SEMA6A: variants seen among roughly 807,000 people sequenced by gnomAD.
SEMA6A encodes semaphorin 6A, also known as semaphorin-6A.
Under a neutral mutation model 96.8 loss-of-function variants are expected in SEMA6A, and 25 were observed. That is an observed-to-expected ratio of 0.26 (90% CI 0.19 to 0.36). SEMA6A has a LOEUF of 0.36. Among genes scored for constraint, SEMA6A ranks in the 10% least tolerant of loss-of-function variants. The pLI is 1.00. For synonymous variants in SEMA6A, 612 were observed against 518.0 expected (o/e 1.18, Z -2.46); for missense variants, 1,363 against 1,323.1 (o/e 1.03, Z -0.47).
chr5:116,459,532 T>G (rs2112619345), intron 18 of SEMA6A, among the ~76,000 whole-genome samples: 1 of 152,260 alleles, frequency 6.6e-6, no homozygotes, highest in South Asian at 2.1e-4. Flanking sequence ...TCCATACACT[T>G]AGTCACCACA....
intron 17 of SEMA6A, chr5:116,471,063 TG>T (rs929059391): frequency 6.6e-6 from 1 of 152,198 alleles, no homozygotes; most frequent in Non-Finnish European, 1.5e-5. Context: ...CCAATATTTT[TG>T]TAAGTACTGT....
At chr5:116,537,790 A>G (rs944840777) in intron 1 of SEMA6A, among the ~76,000 whole-genome samples, 2 of 152,098 alleles carry the variant, frequency 1.3e-5, no homozygotes, top group Admixed American at 6.5e-5. Flanking sequence ...GAATAACCAT[A>G]TAAGTATGCA....
At chr5:116,500,742 C>T (rs1294064347) in intron 3 of SEMA6A, among the ~76,000 whole-genome samples, 2 of 152,184 alleles carry the variant, frequency 1.3e-5, no homozygotes, top group African/African-American at 2.4e-5. Flanking sequence ...TGGTGGCTCA[C>T]ACCTGTAATT....
At chr5:116,554,080 T>C (rs254080) in intron 1 of SEMA6A, among the ~76,000 whole-genome samples, 106,707 of 152,008 alleles carry the variant, frequency 0.7, 39,181 homozygotes, top group East Asian at 0.87. Flanking sequence ...AAGGGCTTTC[T>C]ACTGTAATAA....
intron 1 of SEMA6A, among the ~76,000 whole-genome samples, chr5:116,522,869 A>G (rs767560274): frequency 1.3e-5 from 2 of 152,142 alleles, no homozygotes; most frequent in Non-Finnish European, 2.9e-5. Context: ...TCCCCAAAGG[A>G]CACCTGACAT....
At chr5:116,473,905 G>C (rs1053006057) in intron 16 of SEMA6A, among the ~76,000 whole-genome samples, 6 of 152,204 alleles carry the variant, frequency 3.9e-5, no homozygotes, top group Non-Finnish European at 7.3e-5. Context: ...GCCTCCGCAA[G>C]AGTGGGGTTA....
At chr5:116,470,825 A>C (rs1756084266) in intron 17 of SEMA6A, among the ~76,000 whole-genome samples, 1 of 152,184 alleles carries the variant, frequency 6.6e-6, no homozygotes, top group African/African-American at 2.4e-5. Context: ...ACAGCTAGAA[A>C]CAGTGTGCAT....
rs766021853 is a variant in SEMA6A at position 116,480,324 on chromosome 5, T to G, written c.1095-47A>C. On this transcript the variant is annotated intron_variant, in intron 11 of 18. Transcript: ENST00000343348. ...GGAAGGAGGGAGCTTATTTTCTGCCTTATGGCAAATTCTTTGAATGAACTG... is the reference window on the plus strand; with the variant it reads ...GGAAGGAGGGAGCTTATTTTCTGCCGTATGGCAAATTCTTTGAATGAACTG... 6.2e-6 allele frequency: 10 copies of G among 1,604,586 alleles called. No homozygotes were observed. The African/African-American group carries it at 1.2e-4, about 19-fold the overall frequency.
At chr5:116,505,886 A>G (rs1218297960) in intron 1 of SEMA6A, among the ~76,000 whole-genome samples, 1 of 152,180 alleles carries the variant, frequency 6.6e-6, no homozygotes, top group Non-Finnish European at 1.5e-5. Flanking sequence ...GTGAAAAAAA[A>G]AAAAAGACTC....
At position 116,486,734 on chromosome 5, in the gene SEMA6A, C is replaced by A; in HGVS notation, c.962+15G>T. 6.2e-7 allele frequency: 1 copy of A among 1,606,750 alleles called. No individual in the cohort carries two copies. The highest frequency in any genetic ancestry group is 1.1e-5 in the South Asian group (1 of 90,908). ...GGAAGAATTGATGAGGTCAACACAGCTAGGGCATGATTACCTGTTATAAGG... is the reference window on the plus strand; with the variant it reads ...GGAAGAATTGATGAGGTCAACACAGATAGGGCATGATTACCTGTTATAAGG... On this transcript the variant is annotated intron_variant, in intron 10 of 18. Coordinates refer to ENST00000343348, the MANE Select transcript of SEMA6A (RefSeq NM_020796.5).
chr5:116,563,972 G>T (rs1289391243), intron 1 of SEMA6A, among the ~76,000 whole-genome samples: 1 of 146,528 alleles, frequency 6.8e-6, no homozygotes, highest in African/African-American at 2.4e-5. Flanking sequence ...CAGACCACAT[G>T]ATCAAAAACT....
At chr5:116,535,685 G>A (rs1251992991) in intron 1 of SEMA6A, among the ~76,000 whole-genome samples, 1 of 152,158 alleles carries the variant, frequency 6.6e-6, no homozygotes, top group Non-Finnish European at 1.5e-5. Context: ...GAAAGAGGCA[G>A]CACTTTCAAC....
Position 116,447,003 on chromosome 5 carries a change from G to C in SEMA6A, c.2703C>G (p.Ser901Arg). The C allele has an allele frequency of 6.2e-7, 1 of 1,613,954 alleles. No individual in the cohort carries two copies. Among genetic ancestry groups the C allele is most frequent in the Non-Finnish European group, 8.5e-7 (1 of 1,179,890 alleles). The change falls in exon 19 of 19, where the codon AGC (serine) becomes AGG (arginine). Residue 901 changes from serine (S) to arginine (R), a missense_variant. This residue lies in a region of SEMA6A where 883 missense variants were observed against 763.6 expected (regional missense o/e 1.16). Coordinates refer to ENST00000343348, the MANE Select transcript of SEMA6A (RefSeq NM_020796.5). ...AGGAGTGGTGCATTTCCAGCCGCTT[G>C]CTTAGACCGGTCTGAGACAGGGAGG... is the stretch of plus-strand genomic sequence containing the variant. ...PGASLSQTGL[S>R]KRLEMHHSSS...
At chr5:116,539,103 A>G (rs1365342867) in intron 1 of SEMA6A, among the ~76,000 whole-genome samples, 1 of 152,194 alleles carries the variant, frequency 6.6e-6, no homozygotes, top group Non-Finnish European at 1.5e-5. Context: ...CTTCTTATCT[A>G]CCACAACCCA....
At position 116,446,462 on chromosome 5, in the gene SEMA6A, C is replaced by T; in HGVS notation, c.*151G>A. On this transcript the variant is annotated 3_prime_UTR_variant, in exon 19 of 19. Transcript: ENST00000343348. ...ACGCGGCCCAGTTTTCGTGAGTACCCCTGTGTCCCAGAGAGGAGGACCCAG... is the reference window on the plus strand; with the variant it reads ...ACGCGGCCCAGTTTTCGTGAGTACCTCTGTGTCCCAGAGAGGAGGACCCAG... The T allele has an allele frequency of 1.6e-6, 1 of 630,948 alleles. No individual in the cohort carries two copies. Among genetic ancestry groups the T allele is most frequent in the East Asian group, 3.0e-5 (1 of 33,896 alleles). The allele number at this position is 630,948 out of a possible 1,614,324, so 39.1% of individuals were successfully genotyped here. A position where few individuals can be genotyped will look rare whatever the true frequency, so the allele number is the denominator to read the frequency against.
At chr5:116,554,921 A>T (rs1178883130) in intron 1 of SEMA6A, 1 of 152,226 alleles carries the variant, frequency 6.6e-6, no homozygotes, top group Non-Finnish European at 1.5e-5. Context: ...GGTGCCAATT[A>T]GTGCCTATTT....
intron 9 of SEMA6A, among the ~76,000 whole-genome samples, chr5:116,487,880 T>TA (rs1341167788): frequency 6.6e-6 from 1 of 151,980 alleles, no homozygotes; most frequent in African/African-American, 2.4e-5. Flanking sequence ...AAAAAAAAGA[T>TA]ACTTGAATCT....
chr5:116,475,599 T>C lies in SEMA6A; in HGVS notation c.1654A>G (p.Thr552Ala). The C allele has an allele frequency of 6.3e-7, 1 of 1,599,318 alleles. No individual in the cohort carries two copies. The highest frequency in any genetic ancestry group is 8.5e-7 in the Non-Finnish European group (1 of 1,172,420). ...CCACGCTCTATGTCCTGCTCAAAAG[T>C]CAGTCTTTTAAAAAAGGAAGGGAAA... is the stretch of plus-strand genomic sequence containing the variant. ...CSHLSPNSRL[T>A]FEQDIERGNT... Residue 552 changes from threonine (T) to alanine (A), a missense_variant, in exon 16 of 19, where the codon ACT becomes GCT. Transcript: ENST00000343348.
chr5:116,551,317 T>TACACACACAAAC (rs1554093308), intron 1 of SEMA6A, among the ~76,000 whole-genome samples: 1 of 142,414 alleles, frequency 7.0e-6, no homozygotes, highest in Non-Finnish European at 1.5e-5. Context: ...AGTCTTAGCA[T>TACACACACAAAC]ACACACACAC....
Sources: gnomAD v4.1 joint callset for allele counts (sites outside exome capture counted in the v4.1 genomes callset) on GRCh38, gnomAD v4.1.1 for gene constraint, gnomAD v4.1.1 regional missense constraint, MANE v1.5 for transcripts, NCBI Gene and HGNC (gene_info 2026-07-23, HGNC 2026-07-21) for gene names.